The following ZNF726 variants were observed in gnomAD, a reference collection of about 807,000 sequenced individuals.
The protein encoded by ZNF726 is zinc finger protein 726.
A neutral mutation model predicts 11.6 loss-of-function variants in ZNF726; 15 were observed. That is an observed-to-expected ratio of 1.29 (90% CI 0.86 to 1.99). ZNF726 has a LOEUF of 1.99. Among genes scored for constraint, ZNF726 ranks in the 30% most tolerant of loss-of-function variants. The probability of loss-of-function intolerance (pLI) is 0.00; values close to 1 mark genes in which losing one functional copy is unlikely to be tolerated. For missense variants in ZNF726, 890 were observed against 725.6 expected (o/e 1.23, Z -2.60); for synonymous variants, 295 against 243.6 (o/e 1.21, Z -1.96).
At chr19:23,931,102 C>G (rs1449839806) in intron 3 of ZNF726, among the ~76,000 whole-genome samples, 2 of 152,166 alleles carry the variant, frequency 1.3e-5, no homozygotes, top group Non-Finnish European at 2.9e-5. Flanking sequence ...TTCTGAGTAG[C>G]TGGGGCTGCA....
Position 23,934,081 on chromosome 19 carries a change from A to G in ZNF726, c.*114A>G, listed in dbSNP as rs1391460968. ...CCTACAAATGTGAAGAATGTGAAAAAGCTTTTAATCCTCAAATCTTACTAA... is the reference window on the plus strand; with the variant it reads ...CCTACAAATGTGAAGAATGTGAAAAGGCTTTTAATCCTCAAATCTTACTAA... On this transcript the variant is annotated 3_prime_UTR_variant, in exon 4 of 4. Coordinates refer to ENST00000594466, the MANE Select transcript of ZNF726 (RefSeq NM_001244038.2). 4 of 1,341,622 alleles carry G rather than the reference A, an allele frequency of 3.0e-6. No homozygotes were observed. Among genetic ancestry groups the G allele is most frequent in the Non-Finnish European group, 4.2e-6 (4 of 941,744 alleles). The allele number at this position is 1,341,622 out of a possible 1,614,324, so 83.1% of individuals were successfully genotyped here.
At chr19:23,939,861 G>GTTTTTTTT (rs1405429449) in intron 3 of ZNF726, among the ~76,000 whole-genome samples, 3 of 80,132 alleles carry the variant, frequency 3.7e-5, no homozygotes, top group Admixed American at 1.0e-4. Context: ...TTTTTGATGG[G>GTTTTTTTT]ATTTTTTTTT....
rs1228433707 is a variant in ZNF726, at chr19:23,934,108, C to T, written c.*141C>T. ...CTTTTAATCCTCAAATCTTACTAAA[C>T]ATTAGATAATTCACACTGGAGAGAA... On this transcript the variant is annotated 3_prime_UTR_variant, in exon 4 of 4. Transcript: ENST00000594466. 5.3e-6 allele frequency: 6 copies of T among 1,125,278 alleles called. No individual in the cohort carries two copies. The highest frequency in any genetic ancestry group is 8.0e-6 in the Non-Finnish European group (6 of 750,298). The allele number at this position is 1,125,278 out of a possible 1,614,324, so 69.7% of individuals were successfully genotyped here.
At chr19:23,931,179 A>G (rs867145857) in intron 3 of ZNF726, among the ~76,000 whole-genome samples, 1 of 152,110 alleles carries the variant, frequency 6.6e-6, no homozygotes, top group South Asian at 2.1e-4. Flanking sequence ...TCACCCTGTT[A>G]GCCAGGATGG....
chr19:23,916,446 T>C (rs1158313447), intron 1 of ZNF726, among the ~76,000 whole-genome samples: 2 of 152,140 alleles, frequency 1.3e-5, no homozygotes. Context: ...GGTTCTCATT[T>C]CTGTCTCCCA....
At chr19:23,924,602 G>T (rs940042069) in intron 3 of ZNF726, among the ~76,000 whole-genome samples, 7 of 152,142 alleles carry the variant, frequency 4.6e-5, no homozygotes, top group Admixed American at 3.3e-4. Flanking sequence ...GTACATGTCA[G>T]GGCGAGGCAA....
chr19:23,936,756 T>G (rs971362717), downstream of ZNF726, among the ~76,000 whole-genome samples: 3 of 151,414 alleles, frequency 2.0e-5, no homozygotes, highest in African/African-American at 7.3e-5. Context: ...TTTAATTTAT[T>G]TTTTATTTAT....
Position 23,933,925 on chromosome 19 carries a change from C to G in ZNF726, c.1809C>G (p.Ile603Met). ...YKCDECGKSF[I>M]WSSTLFKHKR... ...GTGACGAATGTGGCAAATCATTTAT[C>G]TGGTCCTCAACCCTTTTTAAGCATA... The change falls in exon 4 of 4, where the codon ATC (isoleucine) becomes ATG (methionine). Residue 603 changes from isoleucine to methionine, a missense_variant. By Grantham distance (10) the Ile-to-Met change is conservative. Transcript: ENST00000594466. 1.3e-6 allele frequency: 2 copies of G among 1,584,246 alleles called. No homozygotes were observed. The highest frequency in any genetic ancestry group is 2.3e-5 in the East Asian group (1 of 43,194).
At chr19:23,938,885 G>A (rs1968292007), downstream of ZNF726, among the ~76,000 whole-genome samples, 4 of 152,028 alleles carry the variant, frequency 2.6e-5, no homozygotes, top group Admixed American at 2.6e-4. Context: ...GGGATTACAG[G>A]TGTGAGCCAC....
intron 3 of ZNF726, among the ~76,000 whole-genome samples, chr19:23,927,614 C>G (rs548257873): frequency 6.6e-6 from 1 of 152,132 alleles, no homozygotes; most frequent in Non-Finnish European, 1.5e-5. Context: ...ACCTCAGTGT[C>G]TCCAGTAGTT....
intron 3 of ZNF726, 54 bp downstream of exon 3, chr19:23,920,136 A>G (rs1347533265): frequency 1.6e-6 from 2 of 1,284,290 alleles, no homozygotes; most frequent in South Asian, 1.2e-5. Flanking sequence ...AACGTCAAGA[A>G]GAAAGCCAGT....
intron 3 of ZNF726, chr19:23,929,147 ATTGTT>A (rs1334060900): frequency 6.6e-6 from 1 of 151,932 alleles, no homozygotes; most frequent in Non-Finnish European, 1.5e-5. Context: ...TTTTATTGTG[ATTGTT>A]TTATGTGTTC....
Position 23,933,289 on chromosome 19 carries a change from C to A in ZNF726, c.1173C>A (p.His391Gln), listed in dbSNP as rs747274120. ...CCCTAACTAAACATAAGAGGATTCA[C>A]ACTGGAGAGAAACCCTACAAATGTG... ...PSTLTKHKRI[H>Q]TGEKPYKCEE... Residue 391 changes from histidine to glutamine, a missense_variant, in exon 4 of 4, where the codon CAC becomes CAA. Coordinates refer to ENST00000594466, the MANE Select transcript of ZNF726 (RefSeq NM_001244038.2). The A allele has an allele frequency of 6.0e-5, 96 of 1,610,824 alleles. 1 individual carries two copies. The South Asian group carries it at 9.8e-4, about 16-fold the overall frequency.
intron 3 of ZNF726, among the ~76,000 whole-genome samples, chr19:23,922,685 A>G (rs1278725365): frequency 6.6e-6 from 1 of 152,234 alleles, no homozygotes. Context: ...GCAGAATTTC[A>G]CAACTCCTTT....
Position 23,933,356 on chromosome 19 carries a change from AAACAT to A in ZNF726, c.1243_1247del (p.His415AspfsTer12). ...TTTTCATCGATCCTCAAATCTTACT[AAACAT>A]AAGATAATTCATACTGGAGAGAAAC... On this transcript the variant is annotated frameshift_variant, in exon 4 of 4. Transcript: ENST00000594466. LOFTEE classifies it low-confidence loss of function (END_TRUNC). The A allele has an allele frequency of 1.2e-6, 2 of 1,612,178 alleles. No individual in the cohort carries two copies. The highest frequency in any genetic ancestry group is 1.1e-5 in the South Asian group (1 of 90,998).
rs1355361042 is a variant in ZNF726, at chr19:23,932,699, T to C, written c.583T>C (p.Tyr195His). Residue 195 changes from tyrosine (Y) to histidine (H), a missense_variant, in exon 4 of 4, where the codon TAT becomes CAT. Transcript: ENST00000594466. ...FSHKTQHKSI[Y>H]TTEKSYKCKE... ...ACACAAAACCCAGCATAAAAGCATA[T>C]ATACTACAGAGAAGTCCTACAAATG... 1 of 1,602,084 alleles carries C rather than the reference T, an allele frequency of 6.2e-7. No homozygotes were observed. Among genetic ancestry groups the C allele is most frequent in the East Asian group, 2.2e-5 (1 of 44,834 alleles).
At chr19:23,920,682 G>C (rs1488633139) in intron 3 of ZNF726, 2 of 152,158 alleles carry the variant, frequency 1.3e-5, no homozygotes, top group Non-Finnish European at 2.9e-5. Flanking sequence ...CAAAGTGCTG[G>C]GATTACAGGT....
At chr19:23,942,089 G>T (rs888649731) in intron 3 of ZNF726, among the ~76,000 whole-genome samples, 1 of 152,064 alleles carries the variant, frequency 6.6e-6, no homozygotes, top group South Asian at 2.1e-4. Context: ...ACTTTTTGAT[G>T]TAGGCATTTA....
At chr19:23,929,424 G>C (rs543720829) in intron 3 of ZNF726, 5 of 167,280 alleles carry the variant, frequency 3.0e-5, no homozygotes, top group South Asian at 1.9e-4. Flanking sequence ...AAGGTGAAAG[G>C]CATGTCTCAC....
Sources: allele counts gnomAD v4.1 joint callset (sites outside exome capture counted in the v4.1 genomes callset), GRCh38; gene constraint gnomAD v4.1.1; transcripts MANE v1.5; gene names NCBI Gene and HGNC (gene_info 2026-07-23, HGNC 2026-07-21).